The following ANKHD1 variants were observed in gnomAD, a reference collection of about 807,000 sequenced individuals.
ANKHD1 encodes the protein ankyrin repeat and KH domain containing 1, also known as ankyrin repeat and KH domain-containing protein 1.
In ANKHD1, 31 loss-of-function variants were observed where a neutral mutation model predicts 230.5. The observed-to-expected ratio is 0.13, with a 90% CI of 0.10 to 0.18. ANKHD1 has a LOEUF of 0.18. Among genes scored for constraint, ANKHD1 ranks in the 10% least tolerant of loss-of-function variants. ANKHD1 has a pLI of 1.00. For synonymous variants in ANKHD1, 1,074 were observed against 1,117.6 expected, an observed-to-expected ratio of 0.96 and a Z score of 0.78; for missense variants, 2,256 against 3,071.3, an observed-to-expected ratio of 0.73 and a Z score of 6.27.
chr5:140,443,212 A>G (rs1015959575), intron 5 of ANKHD1, among the ~76,000 whole-genome samples: 1 of 151,862 alleles, frequency 6.6e-6, no homozygotes, highest in Non-Finnish European at 1.5e-5. Context: ...CTATTTTATT[A>G]ACTTCTTAAC....
chr5:140,474,598 C>CTT (rs771180811), intron 10 of ANKHD1, among the ~76,000 whole-genome samples: 53 of 120,844 alleles, frequency 4.4e-4, no homozygotes, highest in African/African-American at 5.5e-4. Context: ...TTTTTTTCTT[C>CTT]TTTTTTTTTT....
At chr5:140,448,300 A>C (rs1299280254) in intron 6 of ANKHD1, among the ~76,000 whole-genome samples, 1 of 152,220 alleles carries the variant, frequency 6.6e-6, no homozygotes, top group Non-Finnish European at 1.5e-5. Flanking sequence ...TGGACACTTA[A>C]ATTCTTCCCA....
In ANKHD1 at chr5:140,458,852, C is replaced by G. The variant is rs1347651263; in HGVS notation, c.1470C>G (p.Leu490=). Residue 490 remains leucine, a synonymous_variant, in exon 8 of 34, where the codon CTC becomes CTG. Coordinates refer to ENST00000360839, the MANE Select transcript of ANKHD1 (RefSeq NM_017747.3). Reference sequence around the variant, plus strand: ...GACATGAAGAAATGGTGGCACTACTCTTAGCACAAGGTAAAGCAGTTTTAC... The same window carrying G: ...GACATGAAGAAATGGTGGCACTACTGTTAGCACAAGGTAAAGCAGTTTTAC... The part of the protein sequence containing the change: ...REGHEEMVAL[L]LAQGANINAQ... 2 of 1,610,676 alleles carry G rather than the reference C, an allele frequency of 1.2e-6. No individual in the cohort carries two copies. Among genetic ancestry groups the G allele is most frequent in the Non-Finnish European group, 1.7e-6 (2 of 1,178,598 alleles).
At chr5:140,441,206 A>T (rs1160158431) in intron 5 of ANKHD1, 64 bp downstream of exon 5, 1 of 1,414,166 alleles carries the variant, frequency 7.1e-7, no homozygotes, top group African/African-American at 1.5e-5. Flanking sequence ...TGAGAGAGAG[A>T]AAAATTAGAT....
At chr5:140,536,446 C>T (rs751800732) in intron 30 of ANKHD1, among the ~76,000 whole-genome samples, 14 of 152,126 alleles carry the variant, frequency 9.2e-5, no homozygotes, top group African/African-American at 1.2e-4. Context: ...TGGAATTGAA[C>T]GGAATTGGAT....
At position 140,500,385 on chromosome 5, in the gene ANKHD1, G is replaced by A. The variant is rs146883002; in HGVS notation, c.3004+3107G>A. ...AAGCTGGCCGGGAGCAGTGGCTCATGCCTGTAATCCCAGTACTTTGGCAGG... is the reference window on the plus strand; with the variant it reads ...AAGCTGGCCGGGAGCAGTGGCTCATACCTGTAATCCCAGTACTTTGGCAGG... On this transcript the variant is annotated intron_variant, in intron 15 of 33. Transcript: ENST00000360839. Among the ~76,000 whole-genome samples, 554 of 152,096 alleles carry A rather than the reference G, an allele frequency of 3.6e-3. 6 individuals carry two copies. Among genetic ancestry groups the A allele is most frequent in the African/African-American group, 0.013 (540 of 41,486 alleles).
At chr5:140,473,884 G>A (rs1475849806) in intron 10 of ANKHD1, among the ~76,000 whole-genome samples, 1 of 152,086 alleles carries the variant, frequency 6.6e-6, no homozygotes, top group Non-Finnish European at 1.5e-5. Context: ...TTAAAAATGA[G>A]TTTTGCAGCC....
chr5:140,482,759 C>T, intron 11 of ANKHD1, 92 bp downstream of exon 11: 1 of 1,366,726 alleles, frequency 7.3e-7, no homozygotes, highest in Non-Finnish European at 1.0e-6. Flanking sequence ...GGCTACTTTA[C>T]CTACAGTAAA....
At chr5:140,513,726 T>C (rs555535025) in intron 24 of ANKHD1, among the ~76,000 whole-genome samples, 76 of 151,582 alleles carry the variant, frequency 5.0e-4, no homozygotes, top group African/African-American at 1.7e-3. Flanking sequence ...GGAGAATTGC[T>C]TGAGCCCGGG....
intron 14 of ANKHD1, among the ~76,000 whole-genome samples, chr5:140,495,630 G>T (rs1197020925): frequency 1.3e-5 from 2 of 152,094 alleles, no homozygotes; most frequent in Non-Finnish European, 2.9e-5. Context: ...TTCATTTCAT[G>T]TCCAGATGTT....
chr5:140,436,042 G>A lies in ANKHD1; in HGVS notation c.307-62G>A, dbSNP rs185285072. On this transcript the variant is annotated intron_variant, in intron 1 of 33. Coordinates refer to ENST00000360839, the MANE Select transcript of ANKHD1 (RefSeq NM_017747.3). Reference sequence around the variant, plus strand: ...TTAAGAAGTCATATTACCTTAAATTGTAGTTATTCTAATCATATTGATATC... The same window carrying A: ...TTAAGAAGTCATATTACCTTAAATTATAGTTATTCTAATCATATTGATATC... 5.7e-4 allele frequency: 782 copies of A among 1,368,052 alleles called. 3 individuals carry two copies. In the African/African-American group the frequency reaches 0.011, roughly 19 times the overall value. 84.7% of individuals were successfully genotyped at this position (1,368,052 alleles called of 1,614,324 possible). A position where few individuals can be genotyped will look rare whatever the true frequency, so the allele number is the denominator to read the frequency against.
chr5:140,443,173 G>A (rs997603550), intron 5 of ANKHD1, among the ~76,000 whole-genome samples: 2 of 151,888 alleles, frequency 1.3e-5, no homozygotes, highest in Non-Finnish European at 2.9e-5. Flanking sequence ...AAAGTGCTGG[G>A]ATTATAGGCG....
chr5:140,440,011 T>C, intron 3 of ANKHD1, 108 bp from the exon 4 acceptor site: 1 of 1,300,446 alleles, frequency 7.7e-7, no homozygotes, highest in Non-Finnish European at 9.9e-7. Flanking sequence ...TTTTTTCTTT[T>C]ACTGCATTAA....
chr5:140,426,303 A>AT (rs1371227129), intron 1 of ANKHD1, among the ~76,000 whole-genome samples: 1 of 151,780 alleles, frequency 6.6e-6, no homozygotes, highest in Non-Finnish European at 1.5e-5. Flanking sequence ...TAATTTTTGT[A>AT]TTTTTGGTAG....
At chr5:140,503,288 C>G (rs372126031) in intron 15 of ANKHD1, among the ~76,000 whole-genome samples, 1 of 151,596 alleles carries the variant, frequency 6.6e-6, no homozygotes, top group East Asian at 1.9e-4. Context: ...TTTTTCCTTT[C>G]TTGAGTGAAT....
chr5:140,427,840 G>C (rs1422388739), intron 1 of ANKHD1, among the ~76,000 whole-genome samples: 1 of 151,948 alleles, frequency 6.6e-6, no homozygotes, highest in Non-Finnish European at 1.5e-5. Flanking sequence ...CTTCCCAGAC[G>C]GGGTGGCTGC....
At chr5:140,415,141 T>TG (rs1023077346) in intron 1 of ANKHD1, among the ~76,000 whole-genome samples, 1 of 152,000 alleles carries the variant, frequency 6.6e-6, no homozygotes, top group African/African-American at 2.4e-5. Context: ...CCCAGCGCTT[T>TG]GGGGGGCCGA....
At chr5:140,508,891 T>C (rs1752647389) in intron 20 of ANKHD1, among the ~76,000 whole-genome samples, 1 of 152,082 alleles carries the variant, frequency 6.6e-6, no homozygotes, top group African/African-American at 2.4e-5. Flanking sequence ...TGCTTAGAAC[T>C]GCAAGGTTCT....
At position 140,529,125 on chromosome 5, in the gene ANKHD1, G is replaced by C; in HGVS notation, c.6179G>C (p.Gly2060Ala). ...AGTAGCTCTGCCAGCAACACCCCGG[G>C]AGCTCCAGAAACTCACCCATCCAGT... ...SCSSSASNTP[G>A]APETHPSSSP... The change falls in exon 29 of 34, where the codon GGA becomes GCA. Residue 2060 changes from glycine (G) to alanine (A), a missense_variant. Physicochemically the swap from Gly to Ala is moderately conservative, Grantham distance 60 (BLOSUM62 0). Around this residue, in one of 13 missense-constraint regions of ANKHD1, gnomAD observed 778 missense variants for 966.5 expected, o/e 0.80. Coordinates refer to ENST00000360839, the MANE Select transcript of ANKHD1 (RefSeq NM_017747.3). 2 of 1,614,014 alleles carry C rather than the reference G, an allele frequency of 1.2e-6. No individual in the cohort carries two copies. Among genetic ancestry groups the C allele is most frequent in the Non-Finnish European group, 1.7e-6 (2 of 1,179,998 alleles).
Sources: gnomAD v4.1 joint callset for allele counts (sites outside exome capture counted in the v4.1 genomes callset) on GRCh38, gnomAD v4.1.1 for gene constraint, gnomAD v4.1.1 regional missense constraint, MANE v1.5 for transcripts, NCBI Gene and HGNC (gene_info 2026-07-23, HGNC 2026-07-21) for gene names.